The following MRPL19 variants were observed in gnomAD, a reference collection of about 807,000 sequenced individuals.
MRPL19 encodes the protein large ribosomal subunit protein bL19m.
In MRPL19, 31 loss-of-function variants were observed where a neutral mutation model predicts 34.0. The ratio of observed to expected loss-of-function variants is 0.91; its 90% CI spans 0.68 to 1.23. MRPL19 has a LOEUF of 1.23. MRPL19 is among the 50% of genes most tolerant of loss of function. The pLI is 0.00. For synonymous variants in MRPL19, 152 were observed against 127.7 expected, an observed-to-expected ratio of 1.19 and a Z score of -1.28; for missense variants, 384 against 367.6, an observed-to-expected ratio of 1.04 and a Z score of -0.37.
intron 2 of MRPL19, among the ~76,000 whole-genome samples, chr2:75,649,799 T>A (rs13423573): frequency 0.021 from 3,227 of 152,190 alleles, 117 homozygotes; most frequent in African/African-American, 0.074. Flanking sequence ...CTGGCTATTT[T>A]AAAAATTTTT....
Position 75,654,761 on chromosome 2 carries a change from T to C in MRPL19, c.501T>C (p.Tyr167=), listed in dbSNP as rs188165268. Residue 167 remains tyrosine (Y), a synonymous_variant, in exon 5 of 6, where the codon TAT becomes TAC. Coordinates refer to ENST00000393909, the MANE Select transcript of MRPL19 (RefSeq NM_014763.4). ...GTGTCGAGATTTGCTTTGAACTTTATAATCCTCGGGTCCAGGAGATTCAGG... is the reference window on the plus strand; with the variant it reads ...GTGTCGAGATTTGCTTTGAACTTTACAATCCTCGGGTCCAGGAGATTCAGG... ...GQGVEICFEL[Y]NPRVQEIQVV... is the part of the protein sequence containing the mutation. The C allele has an allele frequency of 1.9e-6, 3 of 1,613,784 alleles. No individual in the cohort carries two copies. Among genetic ancestry groups the C allele is most frequent in the African/African-American group, 1.3e-5 (1 of 75,022 alleles).
At chr2:75,649,291 A>C (rs1258912376) in intron 2 of MRPL19, among the ~76,000 whole-genome samples, 1 of 152,254 alleles carries the variant, frequency 6.6e-6, no homozygotes, top group African/African-American at 2.4e-5. Flanking sequence ...CAGGATAATG[A>C]CATACATTTG....
At chr2:75,655,038 T>TC in intron 5 of MRPL19, 26 bp from the exon 6 acceptor site, 1 of 1,451,818 alleles carries the variant, frequency 6.9e-7, no homozygotes. Flanking sequence ...TGCTTTTTTT[T>TC]TTTTTTTTTT....
At chr2:75,647,267 C>T (rs1279514251) in intron 2 of MRPL19, 48 bp downstream of exon 2, 1 of 1,520,494 alleles carries the variant, frequency 6.6e-7, no homozygotes, top group Admixed American at 2.0e-5. Flanking sequence ...TCGGTGCGCG[C>T]GTGAGCGCGT....
chr2:75,647,364 A>G (rs1160133771), intron 2 of MRPL19, 145 bp downstream of exon 2: 1 of 716,136 alleles, frequency 1.4e-6, no homozygotes, highest in East Asian at 3.0e-5. Flanking sequence ...AGCGCACCAC[A>G]CTGTTCTTTC....
At chr2:75,654,978 T>G in intron 5 of MRPL19, 61 bp downstream of exon 5, 1 of 1,536,552 alleles carries the variant, frequency 6.5e-7, no homozygotes, top group Non-Finnish European at 8.8e-7. Context: ...AAGAATCATC[T>G]TAATGAAAAC....
chr2:75,647,509 A>G (rs1421466786), intron 2 of MRPL19: 1 of 373,368 alleles, frequency 2.7e-6, no homozygotes, highest in Non-Finnish European at 4.9e-6. Flanking sequence ...TCTCTGAGGT[A>G]TATCCTGTTT....
At chr2:75,654,163 C>G (rs192237804) in intron 4 of MRPL19, among the ~76,000 whole-genome samples, 13 of 152,248 alleles carry the variant, frequency 8.5e-5, no homozygotes, top group Admixed American at 8.5e-4. Context: ...AGGCCTCCTT[C>G]CCTGCATCCA....
In MRPL19 at chr2:75,651,201, C is replaced by T. The variant is rs772329635; in HGVS notation, c.222-941C>T. The T allele has an allele frequency of 4.3e-4, 166 of 385,602 alleles. 1 individual carries two copies. Among genetic ancestry groups the T allele is most frequent in the Non-Finnish European group, 5.8e-4 (113 of 195,142 alleles). The allele number at this position is 385,602 out of a possible 1,614,324, so 23.9% of individuals were successfully genotyped here. On this transcript the variant is annotated intron_variant, in intron 2 of 5. Coordinates refer to ENST00000393909, the MANE Select transcript of MRPL19 (RefSeq NM_014763.4). The stretch of plus-strand genomic sequence containing the variant: ...TCAGCATCCTACTTTCTCTTCAGTT[C>T]GATCTGTTAATCCACCAACCCAAAT...
chr2:75,646,931 G>A (rs778304330), intron 1 of MRPL19, 21 bp downstream of exon 1: 31 of 1,552,152 alleles, frequency 2.0e-5, no homozygotes, highest in Non-Finnish European at 2.5e-5. Flanking sequence ...CCGGACTTGC[G>A]AGCTGGGGCG....
chr2:75,655,494 A>G lies in MRPL19; in HGVS notation c.*209A>G, dbSNP rs961807546. On this transcript the variant is annotated 3_prime_UTR_variant, in exon 6 of 6. Transcript: ENST00000393909. The stretch of plus-strand genomic sequence containing the variant: ...ACACATGCCAAATGGACCAATGTCC[A>G]TTTGCTTATTGGAGGCAAAGCTACA... 9.1e-6 allele frequency: 4 copies of G among 440,608 alleles called. No homozygotes were observed. The highest frequency in any genetic ancestry group is 4.1e-5 in the African/African-American group (2 of 49,048). The allele number at this position is 440,608 out of a possible 1,614,324, so 27.3% of individuals were successfully genotyped here.
chr2:75,647,540 G>T lies in MRPL19; in HGVS notation c.221+321G>T, dbSNP rs566337746. On this transcript the variant is annotated intron_variant, in intron 2 of 5. Transcript: ENST00000393909. ...TGTTTATACCTGTTTACGTCCAAGAGCTCTTCTTTTCTCTCAAAAGACCCT... is the reference window on the plus strand; with the variant it reads ...TGTTTATACCTGTTTACGTCCAAGATCTCTTCTTTTCTCTCAAAAGACCCT... 15 of 242,584 alleles carry T rather than the reference G, an allele frequency of 6.2e-5. 1 individual carries two copies. The highest frequency in any genetic ancestry group is 3.1e-4 in the African/African-American group (14 of 44,794). 15.0% of individuals were successfully genotyped at this position (242,584 alleles called of 1,614,324 possible). A position where few individuals can be genotyped will look rare whatever the true frequency, so the allele number is the denominator to read the frequency against.
In MRPL19 at chr2:75,654,931, A is replaced by G; in HGVS notation, c.657+14A>G. ...CCTGTTAATGAGGTATGGGTTATAC[A>G]TTTGAAACTAGAAGTTCAAGTATAA... On this transcript the variant is annotated intron_variant, in intron 5 of 5. Coordinates refer to ENST00000393909, the MANE Select transcript of MRPL19 (RefSeq NM_014763.4). The G allele has an allele frequency of 6.3e-7, 1 of 1,578,362 alleles. No individual in the cohort carries two copies. The highest frequency in any genetic ancestry group is 8.6e-7 in the Non-Finnish European group (1 of 1,166,046).
At position 75,653,724 on chromosome 2, in the gene MRPL19, A is replaced by G. The variant is rs1678378064; in HGVS notation, c.476-1012A>G. Among the ~76,000 whole-genome samples the G allele has an allele frequency of 2.0e-5, 3 of 152,190 alleles. 1 individual carries two copies. In the South Asian group the frequency reaches 6.2e-4, roughly 32 times the overall value. ...CTTTTTAAGTTCCAGATTTGCAACT[A>G]TCTGCAACTATCTGATCAACACTCT... On this transcript the variant is annotated intron_variant, in intron 4 of 5. Transcript: ENST00000393909.
chr2:75,648,551 C>T (rs1001823269), intron 2 of MRPL19, among the ~76,000 whole-genome samples: 3 of 152,056 alleles, frequency 2.0e-5, no homozygotes, highest in Non-Finnish European at 2.9e-5. Context: ...TAGTAGGATG[C>T]TATTTTTATG....
At chr2:75,652,060 TTTAA>T (rs1573027195) in intron 2 of MRPL19, 78 bp from the exon 3 acceptor site, 1 of 747,124 alleles carries the variant, frequency 1.3e-6, no homozygotes, top group East Asian at 2.7e-5. Flanking sequence ...CAATATCATA[TTTAA>T]TTTCTTTGAA....
In MRPL19 at chr2:75,647,011, C is replaced by T; in HGVS notation, c.104-91C>T. On this transcript the variant is annotated intron_variant, in intron 1 of 5. Transcript: ENST00000393909. Reference sequence around the variant, plus strand: ...CAGAGGCAACCCCAGCGTTGGTCCCCCGTGGGACGCCGGGTTGGGGGAGAT... The same window carrying T: ...CAGAGGCAACCCCAGCGTTGGTCCCTCGTGGGACGCCGGGTTGGGGGAGAT... The T allele has an allele frequency of 2.7e-6, 4 of 1,483,226 alleles. No homozygotes were observed. In the South Asian group the frequency reaches 5.3e-5, roughly 20 times the overall value. The allele number at this position is 1,483,226 out of a possible 1,614,324, so 91.9% of individuals were successfully genotyped here.
Position 75,655,245 on chromosome 2 carries a change from CT to C in MRPL19, c.840del (p.Ala281GlnfsTer20). 1.2e-6 allele frequency: 2 copies of C among 1,612,980 alleles called. No homozygotes were observed. The highest frequency in any genetic ancestry group is 2.2e-5 in the South Asian group (2 of 90,892). ...MREYDTSKIE[A>X]AIWKEIEASK... is the part of the protein sequence containing the mutation. ...GAATATGATACTTCAAAAATTGAAGCTGCAATATGGAAGGAAATTGAAGCGT... is the reference window on the plus strand; with the variant it reads ...GAATATGATACTTCAAAAATTGAAGCGCAATATGGAAGGAAATTGAAGCGT... On this transcript the variant is annotated frameshift_variant, in exon 6 of 6. Transcript: ENST00000393909. LOFTEE classifies it high-confidence loss of function.
rs984847111 is a variant in MRPL19 at position 75,661,324 on chromosome 2, A to AAAAT, written c.*6041_*6044dup. 4.6e-5 allele frequency: 7 copies of AAAAT among 152,110 alleles called. No individual in the cohort carries two copies. Among genetic ancestry groups the AAAAT allele is most frequent in the Non-Finnish European group, 1.0e-4 (7 of 68,036 alleles). 9.4% of individuals were successfully genotyped at this position (152,110 alleles called of 1,614,324 possible). ...TTGGCTATGCCTGTTCCTGCTTTAAAAAATATATATATATTTTTTAGGGAT... is the reference window on the plus strand; with the variant it reads ...TTGGCTATGCCTGTTCCTGCTTTAAAAAATAAATATATATATATTTTTTAGGGAT... On this transcript the variant is annotated 3_prime_UTR_variant, in exon 6 of 6. Coordinates refer to ENST00000393909, the MANE Select transcript of MRPL19 (RefSeq NM_014763.4).
Sources: gnomAD v4.1 joint callset for allele counts (sites outside exome capture counted in the v4.1 genomes callset) on GRCh38, gnomAD v4.1.1 for gene constraint, MANE v1.5 for transcripts, NCBI Gene and HGNC (gene_info 2026-07-23, HGNC 2026-07-21) for gene names.